Variants in AK8 observed in about 807,000 individuals in gnomAD.
AK8 encodes adenylate kinase 8.
Under a neutral mutation model 54.6 loss-of-function variants are expected in AK8, and 44 were observed. That is an observed-to-expected ratio of 0.81 (90% CI 0.63 to 1.04). The LOEUF (loss-of-function observed/expected upper bound fraction) is 1.04, where lower values mean the gene tolerates loss of function less well. AK8 is among the 50% of genes least tolerant of loss of function. The pLI is 0.00. For synonymous variants in AK8, 239 were observed against 245.6 expected (o/e 0.97, Z 0.25); for missense variants, 555 against 613.6 (o/e 0.90, Z 1.01).
intron 10 of AK8, among the ~76,000 whole-genome samples, chr9:132,797,900 G>C (rs1840250728): frequency 6.6e-6 from 1 of 152,224 alleles, no homozygotes; most frequent in Non-Finnish European, 1.5e-5. Flanking sequence ...GCTCTGCCCA[G>C]AAGCCTGGCA....
At chr9:132,804,297 A>G (rs1225935056) in intron 10 of AK8, among the ~76,000 whole-genome samples, 1 of 152,082 alleles carries the variant, frequency 6.6e-6, no homozygotes, top group Non-Finnish European at 1.5e-5. Context: ...TCCTACCATG[A>G]GCCCTGCGGG....
chr9:132,802,804 A>G (rs1840528252), intron 10 of AK8, among the ~76,000 whole-genome samples: 1 of 152,208 alleles, frequency 6.6e-6, no homozygotes, highest in Non-Finnish European at 1.5e-5. Flanking sequence ...CACAGAGCAG[A>G]GTCGAGACCT....
intron 11 of AK8, among the ~76,000 whole-genome samples, chr9:132,742,267 CG>C (rs1590180582): frequency 6.6e-6 from 1 of 151,774 alleles, no homozygotes; most frequent in East Asian, 1.9e-4. Flanking sequence ...TTCGACCTTC[CG>C]GGCTCAAGCG....
intron 10 of AK8, among the ~76,000 whole-genome samples, chr9:132,810,086 CCT>C (rs1840924021): frequency 1.3e-5 from 2 of 152,176 alleles, no homozygotes; most frequent in Non-Finnish European, 2.9e-5. Flanking sequence ...CTAATGAGAC[CCT>C]GTTAGTGGTT....
At chr9:132,867,540 C>A (rs1257439557) in intron 2 of AK8, among the ~76,000 whole-genome samples, 1 of 152,232 alleles carries the variant, frequency 6.6e-6, no homozygotes, top group Non-Finnish European at 1.5e-5. Flanking sequence ...CACAGAATTC[C>A]CAACCCAGGC....
chr9:132,754,930 C>T lies in AK8; in HGVS notation c.1122-27396G>A, dbSNP rs7856916. 8.6e-5 allele frequency among the ~76,000 whole-genome samples: 13 copies of T among 151,972 alleles called. 1 individual carries two copies. Among genetic ancestry groups the T allele is most frequent in the African/African-American group, 3.1e-4 (13 of 41,432 alleles). ...TTTTCCTGCCTCAGCCTCCCAAGTA[C>T]CTGGGATTACAGGCATGTGCCACCA... On this transcript the variant is annotated intron_variant, in intron 11 of 12. Transcript: ENST00000298545.
intron 2 of AK8, among the ~76,000 whole-genome samples, chr9:132,867,247 C>G (rs1325664117): frequency 6.6e-6 from 1 of 152,186 alleles, no homozygotes; most frequent in Non-Finnish European, 1.5e-5. Context: ...TCAAACACCA[C>G]AAAGCATTTT....
At chr9:132,726,448 A>T (rs28464738) in intron 12 of AK8, among the ~76,000 whole-genome samples, 4,494 of 152,078 alleles carry the variant, frequency 0.03, 213 homozygotes, top group African/African-American at 0.1. Flanking sequence ...TTGTATTTTT[A>T]GTAGAGAAGG....
chr9:132,777,264 G>A (rs753626365), intron 11 of AK8, among the ~76,000 whole-genome samples: 3 of 152,126 alleles, frequency 2.0e-5, no homozygotes, highest in South Asian at 4.2e-4. Flanking sequence ...ATGGTCACAC[G>A]GGTGGAGCCC....
chr9:132,860,448 G>A lies in AK8; in HGVS notation c.333+3217C>T, dbSNP rs899324958. 1.3e-5 allele frequency among the ~76,000 whole-genome samples: 2 copies of A among 152,230 alleles called. No individual in the cohort carries two copies. Among genetic ancestry groups the A allele is most frequent in the Non-Finnish European group, 2.9e-5 (2 of 68,040 alleles). On this transcript the variant is annotated intron_variant, in intron 4 of 12. Transcript: ENST00000298545. The surrounding 1 kb of genome is among the most constrained non-coding windows in gnomAD (Gnocchi z 4.4). ...CTGGGCAAGGGAGTCAGCCAGCATC[G>A]TTCACATCTGGCGGACTCGAACGCA... is the stretch of plus-strand genomic sequence containing the variant.
At chr9:132,758,191 A>G (rs1166395338) in intron 11 of AK8, among the ~76,000 whole-genome samples, 1 of 152,252 alleles carries the variant, frequency 6.6e-6, no homozygotes, top group Non-Finnish European at 1.5e-5. Context: ...AAGTGCAACT[A>G]CAGTTCCCTT....
chr9:132,799,283 T>C lies in AK8; in HGVS notation c.980-6508A>G, dbSNP rs572970269. Among the ~76,000 whole-genome samples the C allele has an allele frequency of 1.3e-5, 2 of 152,270 alleles. No individual in the cohort carries two copies. Among genetic ancestry groups the C allele is most frequent in the South Asian group, 4.1e-4 (2 of 4,826 alleles). ...GACACTAAGGTTTCTGGGGCTGGCATATAAAGATAGGACAAAAAGTGGAGA... is the reference window on the plus strand; with the variant it reads ...GACACTAAGGTTTCTGGGGCTGGCACATAAAGATAGGACAAAAAGTGGAGA... On this transcript the variant is annotated intron_variant, in intron 10 of 12. Coordinates refer to ENST00000298545, the MANE Select transcript of AK8 (RefSeq NM_152572.3). This position sits in a 1 kb window ranked among gnomAD's most constrained non-coding sequence, Gnocchi z 5.0.
chr9:132,828,741 C>CAG lies in AK8; in HGVS notation c.403-17_403-16dup. On this transcript the variant is annotated splice_polypyrimidine_tract_variant and intron_variant, in intron 5 of 12. Coordinates refer to ENST00000298545, the MANE Select transcript of AK8 (RefSeq NM_152572.3). ...AGAATCCAGCCCTAGACAGAAGATT[C>CAG]AGAGAGGTGCTCATCTGTTTTGAGT... 1 of 1,589,596 alleles carries CAG rather than the reference C, an allele frequency of 6.3e-7. No individual in the cohort carries two copies. Among genetic ancestry groups the CAG allele is most frequent in the South Asian group, 1.1e-5 (1 of 89,246 alleles).
At chr9:132,873,533 TCTA>T (rs1273953095) in intron 2 of AK8, among the ~76,000 whole-genome samples, 1 of 152,252 alleles carries the variant, frequency 6.6e-6, no homozygotes, top group Non-Finnish European at 1.5e-5. Flanking sequence ...TTACTTTTAC[TCTA>T]CTTTTACTTT....
At chr9:132,731,231 G>A (rs1188954992) in intron 11 of AK8, among the ~76,000 whole-genome samples, 1 of 152,224 alleles carries the variant, frequency 6.6e-6, no homozygotes, top group Non-Finnish European at 1.5e-5. Context: ...GCAGTGCCCA[G>A]GCTAGCTGCA....
intron 11 of AK8, among the ~76,000 whole-genome samples, chr9:132,741,444 G>A (rs537869405): frequency 5.0e-4 from 76 of 152,266 alleles, no homozygotes; most frequent in African/African-American, 1.2e-3. Context: ...CTGTTTGGAC[G>A]CCAGTCAAGA....
chr9:132,876,219 A>G (rs1358496452), intron 1 of AK8, among the ~76,000 whole-genome samples: 1 of 152,210 alleles, frequency 6.6e-6, no homozygotes, highest in African/African-American at 2.4e-5. Flanking sequence ...CCTGTTCAGT[A>G]GCACAGCTGG....
intron 4 of AK8, chr9:132,861,559 AG>A (rs1405258631): frequency 6.6e-6 from 1 of 152,222 alleles, no homozygotes; most frequent in Non-Finnish European, 1.5e-5. Context: ...CTTGGCAAAA[AG>A]GCAGTTAGGA....
At chr9:132,796,873 T>A in intron 10 of AK8, among the ~76,000 whole-genome samples, 1 of 147,058 alleles carries the variant, frequency 6.8e-6, no homozygotes, top group Non-Finnish European at 1.5e-5. Flanking sequence ...ACTCAAGCCC[T>A]TGCTCATGGA....
Sources: gnomAD v4.1 joint callset for allele counts (sites outside exome capture counted in the v4.1 genomes callset) on GRCh38, gnomAD v4.1.1 for gene constraint, Gnocchi (gnomAD v3.1) non-coding constraint, MANE v1.5 for transcripts, NCBI Gene and HGNC (gene_info 2026-07-23, HGNC 2026-07-21) for gene names.